The following EFHC2 variants were observed in gnomAD, a reference collection of about 807,000 sequenced individuals.
The protein encoded by EFHC2 is EF-hand domain-containing family member C2.
In EFHC2, 18 loss-of-function variants were observed where a neutral mutation model predicts 52.7. That is an observed-to-expected ratio of 0.34 (90% confidence interval 0.24 to 0.51). The LOEUF (loss-of-function observed/expected upper bound fraction) is 0.51. Ranked by LOEUF, EFHC2 falls within the 20% of genes least tolerant of loss-of-function variation. The pLI, the probability that EFHC2 is intolerant of heterozygous loss-of-function variation, is 0.97. For missense variants in EFHC2, 513 were observed against 562.5 expected (o/e 0.91, Z 0.89); for synonymous variants, 203 against 204.1 (o/e 0.99, Z 0.04).
intron 7 of EFHC2, among the ~76,000 whole-genome samples, chrX:44,246,461 TTC>T (rs2037401685): frequency 8.9e-6 from 1 of 112,581 alleles, no homozygotes; most frequent in Non-Finnish European, 1.9e-5. Context: ...TTGCATAATT[TTC>T]TGTTTAAATG....
chrX:44,324,233 T>C (rs1462638659), intron 1 of EFHC2, among the ~76,000 whole-genome samples: 1 of 109,522 alleles, frequency 9.1e-6, no homozygotes, highest in East Asian at 2.8e-4. Context: ...GTGGCCCCCA[T>C]CCAGGAATTG....
intron 1 of EFHC2, among the ~76,000 whole-genome samples, chrX:44,319,916 T>C (rs1337149734): frequency 9.0e-6 from 1 of 110,993 alleles, no homozygotes; most frequent in Admixed American, 9.5e-5. Flanking sequence ...TAAGTTTTTA[T>C]TTATTTTATT....
chrX:44,272,466 C>T (rs997715257), intron 3 of EFHC2, among the ~76,000 whole-genome samples: 10 of 111,764 alleles, frequency 8.9e-5, no homozygotes, highest in East Asian at 2.8e-4. Flanking sequence ...AAGTATGCCA[C>T]GGAGGAGTGA....
chrX:44,337,193 A>G (rs1419869976), intron 1 of EFHC2, among the ~76,000 whole-genome samples: 1 of 112,047 alleles, frequency 8.9e-6, no homozygotes, highest in Non-Finnish European at 1.9e-5. Flanking sequence ...ATGCTGACTG[A>G]AAAGTTTTTT....
intron 2 of EFHC2, among the ~76,000 whole-genome samples, chrX:44,298,686 C>T (rs2147372333): frequency 9.2e-6 from 1 of 109,253 alleles, no homozygotes; most frequent in East Asian, 2.9e-4. Flanking sequence ...CATGGTGAAA[C>T]CCCGTCTCTA....
Position 44,147,980 on chromosome X carries a change from G to T in EFHC2, c.*815C>A, listed in dbSNP as rs1160299003. On this transcript the variant is annotated 3_prime_UTR_variant, in exon 15 of 15. Transcript: ENST00000420999. ...TAGAAAAATGCAGGGGAAAAATGTT[G>T]TAGTTTCTGAATATTTAAACCTCTA... The T allele has an allele frequency of 1.8e-5, 2 of 110,256 alleles. No individual in the cohort carries two copies. The allele number at this position is 110,256 out of a possible 1,213,427, so 9.1% of individuals were successfully genotyped here. A position where few individuals can be genotyped will look rare whatever the true frequency, so the allele number is the denominator to read the frequency against.
chrX:44,300,966 C>T (rs150061516), intron 2 of EFHC2, among the ~76,000 whole-genome samples: 72 of 109,109 alleles, frequency 6.6e-4, no homozygotes, highest in African/African-American at 2.3e-3. Context: ...CAAAATTAGC[C>T]GGGCGTGGTG....
intron 4 of EFHC2, among the ~76,000 whole-genome samples, chrX:44,252,719 G>T (rs557400584): frequency 8.9e-6 from 1 of 111,931 alleles, no homozygotes; most frequent in Admixed American, 9.4e-5. Flanking sequence ...TTCTCCCTGA[G>T]GGAATAAATG....
intron 13 of EFHC2, among the ~76,000 whole-genome samples, chrX:44,173,338 G>T (rs2036759999): frequency 8.9e-6 from 1 of 111,925 alleles, no homozygotes; most frequent in Admixed American, 9.5e-5. Flanking sequence ...GGGGGCTCTG[G>T]CTTAGCGTGC....
intron 11 of EFHC2, among the ~76,000 whole-genome samples, chrX:44,191,955 G>A (rs1031586252): frequency 1.8e-5 from 2 of 110,372 alleles, no homozygotes; most frequent in Non-Finnish European, 3.8e-5. Context: ...TCTGAGTTTC[G>A]GTTATTTTAT....
At chrX:44,280,926 T>C (rs766636729) in intron 2 of EFHC2, among the ~76,000 whole-genome samples, 28 of 111,387 alleles carry the variant, frequency 2.5e-4, no homozygotes, top group Non-Finnish European at 1.5e-4. Flanking sequence ...CTTAGAATTA[T>C]TATTTTTTTT....
intron 14 of EFHC2, among the ~76,000 whole-genome samples, chrX:44,156,750 G>A (rs1482703118): frequency 8.9e-6 from 1 of 112,395 alleles, no homozygotes; most frequent in Non-Finnish European, 1.9e-5. Context: ...TATGAGAACC[G>A]ATTTAGTGTT....
At chrX:44,303,620 AACTT>A (rs2037883477) in intron 2 of EFHC2, among the ~76,000 whole-genome samples, 1 of 108,982 alleles carries the variant, frequency 9.2e-6, no homozygotes. Flanking sequence ...ATAATAAACT[AACTT>A]GTTTAATCTA....
intron 14 of EFHC2, among the ~76,000 whole-genome samples, chrX:44,157,574 T>C (rs1376675016): frequency 9.0e-6 from 1 of 110,500 alleles, no homozygotes; most frequent in African/African-American, 3.3e-5. Context: ...TTCACTTCCC[T>C]TCATCCTGTT....
intron 4 of EFHC2, among the ~76,000 whole-genome samples, chrX:44,260,321 A>C (rs922860443): frequency 4.5e-5 from 5 of 111,786 alleles, no homozygotes; most frequent in East Asian, 5.6e-4. Flanking sequence ...ACAATGATGG[A>C]AATCAGGGTA....
At chrX:44,331,190 G>C (rs2147396586) in intron 1 of EFHC2, among the ~76,000 whole-genome samples, 1 of 112,211 alleles carries the variant, frequency 8.9e-6, no homozygotes, top group Admixed American at 9.5e-5. Flanking sequence ...CTACTACTCA[G>C]TAGTAAAAAT....
At position 44,178,562 on chromosome X, in the gene EFHC2, T is replaced by A. The variant is rs1398223894; in HGVS notation, c.1754A>T (p.Asp585Val). The change falls in exon 12 of 15, where the codon GAC (aspartate) becomes GTC (valine). Residue 585 changes from aspartate (D) to valine (V), a missense_variant and splice_region_variant. Asp to Val is a radical substitution (Grantham distance 152, BLOSUM62 -3). Coordinates refer to ENST00000420999, the MANE Select transcript of EFHC2 (RefSeq NM_025184.4). ...TCCAACAGTCAAAGACATCAATATG[T>A]CTCTGTAATAAAAATGGAAAAACAT... is the stretch of plus-strand genomic sequence containing the variant. ...TNMVDYNTFR[D>V]ILMSLTVGNL... 8.5e-7 allele frequency: 1 copy of A among 1,171,084 alleles called. No homozygotes were observed. Among genetic ancestry groups the A allele is most frequent in the Admixed American group, 2.7e-5 (1 of 36,601 alleles).
chrX:44,184,723 C>CA (rs34983921), intron 11 of EFHC2, among the ~76,000 whole-genome samples: 1,441 of 46,049 alleles, frequency 0.031, 49 homozygotes, highest in African/African-American at 0.079. Context: ...AATTCCATCT[C>CA]AAAAAAAAAA....
intron 14 of EFHC2, among the ~76,000 whole-genome samples, chrX:44,151,874 G>T (rs902917131): frequency 9.0e-6 from 1 of 111,706 alleles, no homozygotes. Flanking sequence ...GGACATCAAG[G>T]TGAAGATTCT....
Sources: gnomAD v4.1 joint callset for allele counts (sites outside exome capture counted in the v4.1 genomes callset) on GRCh38, gnomAD v4.1.1 for gene constraint, MANE v1.5 for transcripts, NCBI Gene and HGNC (gene_info 2026-07-23, HGNC 2026-07-21) for gene names.